RGS17: variants seen among roughly 807,000 people sequenced by gnomAD.
The protein encoded by RGS17 is regulator of G-protein signaling 17.
A neutral mutation model predicts 25.5 loss-of-function variants in RGS17; 12 were observed. The ratio of observed to expected loss-of-function variants is 0.47; its 90% CI spans 0.30 to 0.76. RGS17 has a LOEUF of 0.76. Among genes scored for constraint, RGS17 ranks in the 30% least tolerant of loss-of-function variants. The pLI is 0.07. For synonymous variants in RGS17, 71 were observed against 76.9 expected, an observed-to-expected ratio of 0.92 and a Z score of 0.40; for missense variants, 196 against 242.2, an observed-to-expected ratio of 0.81 and a Z score of 1.27.
intron 1 of RGS17, among the ~76,000 whole-genome samples, chr6:153,111,163 C>G (rs1777464317): frequency 2.0e-5 from 3 of 152,204 alleles, no homozygotes; most frequent in South Asian, 2.1e-4. Flanking sequence ...ATCCCACCCC[C>G]ACGGAGCCCA....
At chr6:153,019,426 G>A (rs1197581926) in intron 4 of RGS17, among the ~76,000 whole-genome samples, 1 of 152,126 alleles carries the variant, frequency 6.6e-6, no homozygotes, top group Non-Finnish European at 1.5e-5. Flanking sequence ...TATTTTGCTA[G>A]GTTTGTCTTT....
intron 4 of RGS17, among the ~76,000 whole-genome samples, chr6:153,014,127 A>C (rs1466925576): frequency 2.6e-5 from 4 of 152,202 alleles, no homozygotes; most frequent in African/African-American, 9.7e-5. Flanking sequence ...CTCTGCTGTT[A>C]AGGGCTAATA....
chr6:153,108,873 A>G (rs1481838155), intron 1 of RGS17, among the ~76,000 whole-genome samples: 1 of 151,510 alleles, frequency 6.6e-6, no homozygotes, highest in Non-Finnish European at 1.5e-5. Context: ...AAGGAGTCCA[A>G]ATGGAGCTCT....
intron 1 of RGS17, among the ~76,000 whole-genome samples, chr6:153,108,895 A>T (rs542522096): frequency 4.0e-5 from 6 of 151,896 alleles, no homozygotes; most frequent in East Asian, 2.0e-4. Flanking sequence ...TGAACCAATT[A>T]AAAAAACCTC....
At chr6:153,038,896 A>C (rs1358700615) in intron 2 of RGS17, among the ~76,000 whole-genome samples, 2 of 152,320 alleles carry the variant, frequency 1.3e-5, no homozygotes, top group Non-Finnish European at 1.5e-5. Flanking sequence ...ATATTTATGA[A>C]GCACTTAACA....
intron 1 of RGS17, among the ~76,000 whole-genome samples, chr6:153,102,586 T>C (rs114030631): frequency 0.013 from 2,054 of 152,248 alleles, 51 homozygotes; most frequent in African/African-American, 0.045. Context: ...GTTCTCATGA[T>C]AGTGAGTGAG....
In RGS17 at chr6:153,011,321, C is replaced by G. The variant is rs1779130072; in HGVS notation, c.*253G>C. 4.5e-6 allele frequency: 2 copies of G among 446,946 alleles called. No individual in the cohort carries two copies. Among genetic ancestry groups the G allele is most frequent in the Non-Finnish European group, 8.0e-6 (2 of 250,596 alleles). The allele number at this position is 446,946 out of a possible 1,614,324, so 27.7% of individuals were successfully genotyped here. A position where few individuals can be genotyped will look rare whatever the true frequency, so the allele number is the denominator to read the frequency against. ...GAGACTGTTCATAGGACTACAAATA[C>G]ACTTTGCTTGCAAGTAGAATGAGTC... On this transcript the variant is annotated 3_prime_UTR_variant, in exon 5 of 5. Coordinates refer to ENST00000206262, the MANE Select transcript of RGS17 (RefSeq NM_012419.5).
At chr6:153,049,389 A>G (rs1303083925) in intron 1 of RGS17, among the ~76,000 whole-genome samples, 1 of 152,196 alleles carries the variant, frequency 6.6e-6, no homozygotes, top group Admixed American at 6.5e-5. Context: ...ACATAAAATA[A>G]GACCTGAATA....
intron 1 of RGS17, among the ~76,000 whole-genome samples, chr6:153,081,575 G>A (rs952899372): frequency 3.3e-5 from 5 of 151,928 alleles, no homozygotes; most frequent in Non-Finnish European, 7.4e-5. Context: ...TATACGGTTG[G>A]TTTTAGTCTA....
intron 2 of RGS17, among the ~76,000 whole-genome samples, chr6:153,033,615 G>C (rs1391884773): frequency 6.6e-6 from 1 of 152,174 alleles, no homozygotes; most frequent in Admixed American, 6.5e-5. Flanking sequence ...CTACTCAGGA[G>C]GCTGAGGCAC....
chr6:153,004,766 G>A lies in RGS17; in HGVS notation c.*6808C>T, dbSNP rs1779055917. On this transcript the variant is annotated 3_prime_UTR_variant, in exon 5 of 5. Transcript: ENST00000206262. ...AAAACCCAGAAAAACTTAAATTGGAGGAAACATAATCTGGATTATCTATTC... is the reference window on the plus strand; with the variant it reads ...AAAACCCAGAAAAACTTAAATTGGAAGAAACATAATCTGGATTATCTATTC... 6.6e-6 allele frequency: 1 copy of A among 152,092 alleles called. No homozygotes were observed. 9.4% of individuals were successfully genotyped at this position (152,092 alleles called of 1,614,324 possible).
chr6:153,071,644 T>A (rs1019499577), intron 1 of RGS17, among the ~76,000 whole-genome samples: 2 of 152,164 alleles, frequency 1.3e-5, no homozygotes, highest in African/African-American at 4.8e-5. Context: ...GGTTTCTAAA[T>A]GCTTGTTCTC....
chr6:153,039,778 CAGCAGTTTCTA>C (rs1312957554), intron 2 of RGS17, among the ~76,000 whole-genome samples: 1 of 152,220 alleles, frequency 6.6e-6, no homozygotes, highest in Non-Finnish European at 1.5e-5. Context: ...TGTAAGCACA[CAGCAGTTTCTA>C]GTCTGCTCTG....
At chr6:153,108,997 T>C (rs1254599155) in intron 1 of RGS17, among the ~76,000 whole-genome samples, 5 of 152,128 alleles carry the variant, frequency 3.3e-5, no homozygotes, top group Admixed American at 6.5e-5. Flanking sequence ...TGCTAGCACA[T>C]AGTGGGTGCT....
intron 4 of RGS17, among the ~76,000 whole-genome samples, chr6:153,023,552 T>C (rs1346531782): frequency 1.3e-5 from 2 of 152,236 alleles, no homozygotes; most frequent in African/African-American, 4.8e-5. Context: ...AATGGAAAAG[T>C]GCTATTTGGT....
intron 1 of RGS17, among the ~76,000 whole-genome samples, chr6:153,111,698 C>G (rs916891331): frequency 2.0e-5 from 3 of 152,242 alleles, no homozygotes; most frequent in Non-Finnish European, 2.9e-5. Context: ...AGAGCTACAG[C>G]TGGCATCTGG....
rs1779052164 is a variant in RGS17, at chr6:153,004,512, G to A, written c.*7062C>T. 1 of 152,066 alleles carries A rather than the reference G, an allele frequency of 6.6e-6. No homozygotes were observed. The highest frequency in any genetic ancestry group is 1.5e-5 in the Non-Finnish European group (1 of 67,986). The allele number at this position is 152,066 out of a possible 1,614,324, so 9.4% of individuals were successfully genotyped here. A position where few individuals can be genotyped will look rare whatever the true frequency, so the allele number is the denominator to read the frequency against. On this transcript the variant is annotated 3_prime_UTR_variant, in exon 5 of 5. Coordinates refer to ENST00000206262, the MANE Select transcript of RGS17 (RefSeq NM_012419.5). ...AACATTTTAAGAAAGTCAGTGTAAT[G>A]CATATGCATTTTACAATAACATCCA... is the stretch of plus-strand genomic sequence containing the variant.
At chr6:153,019,552 T>C (rs556541108) in intron 4 of RGS17, among the ~76,000 whole-genome samples, 1 of 152,148 alleles carries the variant, frequency 6.6e-6, no homozygotes, top group Non-Finnish European at 1.5e-5. Context: ...TTCTCATGAA[T>C]GCTTTAGCAC....
chr6:153,028,492 T>C (rs1211159169), intron 2 of RGS17, among the ~76,000 whole-genome samples: 2 of 152,160 alleles, frequency 1.3e-5, no homozygotes, highest in East Asian at 1.9e-4. Context: ...CAGTCCTCTA[T>C]GTCACTATAC....
Sources: gnomAD v4.1 joint callset for allele counts (sites outside exome capture counted in the v4.1 genomes callset) on GRCh38, gnomAD v4.1.1 for gene constraint, MANE v1.5 for transcripts, NCBI Gene and HGNC (gene_info 2026-07-23, HGNC 2026-07-21) for gene names.